The following KANK1 variants were observed in gnomAD, a reference collection of about 807,000 sequenced individuals.
KANK1 encodes KN motif and ankyrin repeat domains 1, also known as KN motif and ankyrin repeat domain-containing protein 1.
In KANK1, 109 loss-of-function variants were observed where a neutral mutation model predicts 106.2. The ratio of observed to expected loss-of-function variants is 1.03; its 90% CI spans 0.88 to 1.20. The LOEUF (loss-of-function observed/expected upper bound fraction) is 1.20. KANK1 is among the 50% of genes most tolerant of loss of function. The probability of loss-of-function intolerance (pLI) is 0.00; values close to 1 mark genes in which losing one functional copy is unlikely to be tolerated. For missense variants in KANK1, 2,399 were observed against 1,710.7 expected (o/e 1.40, Z -7.10); for synonymous variants, 873 against 652.2 (o/e 1.34, Z -5.16).
chr9:528,677 C>G (rs1291445808), intron 1 of KANK1, among the ~76,000 whole-genome samples: 1 of 151,578 alleles, frequency 6.6e-6, no homozygotes, highest in African/African-American at 2.4e-5. Flanking sequence ...TAGTAGAGAC[C>G]TGGTTTCACC....
In KANK1 at chr9:713,303, G is replaced by A. The variant is rs1020444846; in HGVS notation, c.2537G>A (p.Ser846Asn). Reference sequence around the variant, plus strand: ...CAGACACTGCTGGCTGAGAACTACAGTGAACTGGCAGAAGCTTTCGGGGAA... The same window carrying A: ...CAGACACTGCTGGCTGAGAACTACAATGAACTGGCAGAAGCTTTCGGGGAA... ...EQQTLLAENYSELAEAFGEPH... is the reference protein window; with the variant it reads ...EQQTLLAENYNELAEAFGEPH... Residue 846 changes from serine to asparagine, a missense_variant, in exon 3 of 12, where the codon AGT (serine) becomes AAT (asparagine). By Grantham distance (46) the Ser-to-Asn change is conservative. Coordinates refer to ENST00000382297, the MANE Select transcript of KANK1 (RefSeq NM_015158.5). 1 of 1,614,194 alleles carries A rather than the reference G, an allele frequency of 6.2e-7. No homozygotes were observed.
chr9:654,480 T>C (rs1841637237), intron 1 of KANK1, among the ~76,000 whole-genome samples: 1 of 152,154 alleles, frequency 6.6e-6, no homozygotes, highest in Non-Finnish European at 1.5e-5. Flanking sequence ...GTAAGCCCCA[T>C]AGAGTGTCAC....
In KANK1 at chr9:590,408, C is replaced by A. The variant is rs138997200; in HGVS notation, c.-84+85654C>A. 5.0e-3 allele frequency among the ~76,000 whole-genome samples: 754 copies of A among 152,250 alleles called. 11 individuals are homozygous for A. Among genetic ancestry groups the A allele is most frequent in the African/African-American group, 0.017 (705 of 41,544 alleles). ...ATCCAACTCCAGTCTACGCTGCCTC[C>A]TCTCCATTTCCTCCTTTACCAGACA... On this transcript the variant is annotated intron_variant, in intron 1 of 11. Coordinates refer to ENST00000382297, the MANE Select transcript of KANK1 (RefSeq NM_015158.5).
At chr9:700,809 G>T (rs1822474398) in intron 2 of KANK1, among the ~76,000 whole-genome samples, 1 of 152,178 alleles carries the variant, frequency 6.6e-6, no homozygotes, top group African/African-American at 2.4e-5. Context: ...GCACAGGGGT[G>T]TAATTATTTT....
chr9:566,647 A>G (rs915705500), intron 1 of KANK1, among the ~76,000 whole-genome samples: 4 of 152,082 alleles, frequency 2.6e-5, no homozygotes, highest in African/African-American at 9.7e-5. Context: ...TGTTGGCCGC[A>G]TGTGTGTCTT....
At position 712,879 on chromosome 9, in the gene KANK1, A is replaced by G. The variant is rs748553284; in HGVS notation, c.2113A>G (p.Lys705Glu). 228 of 1,613,854 alleles carry G rather than the reference A, an allele frequency of 1.4e-4. 1 individual carries two copies. The Admixed American group carries it at 3.7e-3, about 26-fold the overall frequency. ...CAACACTTGTCTAAGCACTTTGGACAAGCAGACCAGCACCCAGACTGTGGA... is the reference window on the plus strand; with the variant it reads ...CAACACTTGTCTAAGCACTTTGGACGAGCAGACCAGCACCCAGACTGTGGA... ...CTNTCLSTLD[K>E]QTSTQTVETR... Residue 705 changes from lysine to glutamate, a missense_variant, in exon 3 of 12, where the codon AAG (lysine) becomes GAG (glutamate). Physicochemically the swap from Lys to Glu is moderately conservative, Grantham distance 56. Coordinates refer to ENST00000382297, the MANE Select transcript of KANK1 (RefSeq NM_015158.5).
At chr9:561,930 G>A (rs905608518) in intron 1 of KANK1, among the ~76,000 whole-genome samples, 2 of 152,040 alleles carry the variant, frequency 1.3e-5, no homozygotes, top group Non-Finnish European at 2.9e-5. Flanking sequence ...AGGCAACAAC[G>A]CAATGCTGTT....
intron 1 of KANK1, among the ~76,000 whole-genome samples, chr9:593,711 A>G (rs1825547749): frequency 6.6e-6 from 1 of 151,962 alleles, no homozygotes; most frequent in Non-Finnish European, 1.5e-5. Context: ...TCATCTGATC[A>G]TGATGATTTC....
chr9:563,897 G>A (rs1817132280), intron 1 of KANK1, among the ~76,000 whole-genome samples: 1 of 152,052 alleles, frequency 6.6e-6, no homozygotes, highest in African/African-American at 2.4e-5. Flanking sequence ...ACAAATATTT[G>A]TTGGAAACCC....
At chr9:486,057 G>A (rs953741344) in intron 3 of KANK1, among the ~76,000 whole-genome samples, 14 of 152,044 alleles carry the variant, frequency 9.2e-5, no homozygotes, top group Non-Finnish European at 1.9e-4. Context: ...TCCATCTCTT[G>A]CAATGGGATG....
At chr9:676,182 C>G (rs1018662268) in intron 1 of KANK1, among the ~76,000 whole-genome samples, 1 of 152,104 alleles carries the variant, frequency 6.6e-6, no homozygotes, top group African/African-American at 2.4e-5. Context: ...CATCCTGTGA[C>G]TAAGAATGCC....
chr9:532,777 A>C (rs1353590259), intron 1 of KANK1, among the ~76,000 whole-genome samples: 2 of 152,144 alleles, frequency 1.3e-5, no homozygotes, highest in African/African-American at 4.8e-5. Context: ...TATTATGTAG[A>C]AGTGCATTTC....
chr9:555,569 A>G (rs1367211943), intron 1 of KANK1, among the ~76,000 whole-genome samples: 1 of 152,174 alleles, frequency 6.6e-6, no homozygotes, highest in Non-Finnish European at 1.5e-5. Context: ...TCAGCATCCA[A>G]CCTTTGCTGC....
At chr9:620,907 G>T (rs1444011561) in intron 1 of KANK1, among the ~76,000 whole-genome samples, 2 of 152,066 alleles carry the variant, frequency 1.3e-5, no homozygotes, top group South Asian at 2.1e-4. Context: ...CAATTTTGGG[G>T]TACCAGTTTA....
chr9:597,140 A>AT (rs1183719737), intron 1 of KANK1, among the ~76,000 whole-genome samples: 5 of 151,702 alleles, frequency 3.3e-5, no homozygotes, highest in East Asian at 3.9e-4. Flanking sequence ...TAGATTTTTG[A>AT]TTTTTTCCCC....
intron 3 of KANK1, among the ~76,000 whole-genome samples, chr9:479,096 G>A (rs1423330318): frequency 2.0e-5 from 3 of 151,990 alleles, no homozygotes; most frequent in Admixed American, 6.6e-5. Flanking sequence ...TCTTTCACTT[G>A]TCTTGCATAG....
Position 615,830 on chromosome 9 carries a change from A to G in KANK1, c.-83-61060A>G, listed in dbSNP as rs182990568. 7.9e-5 allele frequency among the ~76,000 whole-genome samples: 12 copies of G among 152,326 alleles called. No homozygotes were observed. The East Asian group carries it at 2.3e-3, about 29-fold the overall frequency. On this transcript the variant is annotated intron_variant, in intron 1 of 11. Transcript: ENST00000382297. ...TAACCTAGCTAAAGACCCATGAGGA[A>G]TGAAAGAACGAACAGGGAAAACAAC...
chr9:600,443 A>C (rs1477815521), intron 1 of KANK1, among the ~76,000 whole-genome samples: 1 of 151,920 alleles, frequency 6.6e-6, no homozygotes, highest in Non-Finnish European at 1.5e-5. Context: ...AGAAAGAAGA[A>C]AAAGAAGGGT....
At chr9:633,058 A>T (rs762847844) in intron 1 of KANK1, among the ~76,000 whole-genome samples, 1 of 152,028 alleles carries the variant, frequency 6.6e-6, no homozygotes, top group Non-Finnish European at 1.5e-5. Context: ...TCCACATCTT[A>T]TGAGGTTTCC....
Sources: allele counts gnomAD v4.1 joint callset (sites outside exome capture counted in the v4.1 genomes callset), GRCh38; gene constraint gnomAD v4.1.1; transcripts MANE v1.5; gene names NCBI Gene and HGNC (gene_info 2026-07-23, HGNC 2026-07-21).